Variants in SPECC1 observed in about 807,000 individuals in gnomAD.
SPECC1 encodes cytospin-B.
In SPECC1, 62 loss-of-function variants were observed where a neutral mutation model predicts 104.1. The ratio of observed to expected loss-of-function variants is 0.60; its 90% CI spans 0.49 to 0.74. SPECC1 has a LOEUF of 0.74. Ranked by LOEUF, SPECC1 falls within the 30% of genes least tolerant of loss-of-function variation. The pLI, the probability that SPECC1 is intolerant of heterozygous loss-of-function variation, is 0.00. For missense variants in SPECC1, 1,306 were observed against 1,310.5 expected, an observed-to-expected ratio of 1.00 and a Z score of 0.05; for synonymous variants, 513 against 501.6, an observed-to-expected ratio of 1.02 and a Z score of -0.30.
intron 1 of SPECC1, among the ~76,000 whole-genome samples, chr17:20,054,591 A>AGAT (rs764901668): frequency 1.4e-4 from 22 of 152,202 alleles, no homozygotes; most frequent in Non-Finnish European, 2.8e-4. Flanking sequence ...GAATCCCACT[A>AGAT]GATGAGGGTC....
intron 1 of SPECC1, among the ~76,000 whole-genome samples, chr17:20,082,957 TGTTCGTTC>T (rs5819696): frequency 0.11 from 16,706 of 147,654 alleles, 1,029 homozygotes; most frequent in African/African-American, 0.14. Flanking sequence ...TGTCCTTTGG[TGTTCGTTC>T]GTTCGTTCGT....
At chr17:20,302,504 A>G (rs5025290) in intron 13 of SPECC1, among the ~76,000 whole-genome samples, 18,140 of 151,982 alleles carry the variant, frequency 0.12, 1,113 homozygotes, top group Non-Finnish European at 0.13. Flanking sequence ...TGGGATAATA[A>G]CACTTGGTCA....
At chr17:20,130,663 A>G (rs1423832187) in intron 3 of SPECC1, among the ~76,000 whole-genome samples, 1 of 152,200 alleles carries the variant, frequency 6.6e-6, no homozygotes, top group Admixed American at 6.5e-5. Flanking sequence ...TAATGTCTTG[A>G]AATCAAGTAG....
At chr17:20,112,668 C>T in intron 3 of SPECC1, 1 of 991,186 alleles carries the variant, frequency 1.0e-6, no homozygotes, top group Non-Finnish European at 1.6e-6. Context: ...ACACTCTGTT[C>T]TAATGTAGAA....
At chr17:20,311,238 G>C (rs1186157945) in intron 14 of SPECC1, among the ~76,000 whole-genome samples, 1 of 151,724 alleles carries the variant, frequency 6.6e-6, no homozygotes, top group African/African-American at 2.4e-5. Flanking sequence ...AGCTAAACCT[G>C]CATGTAAATG....
rs2042016742 is a variant in SPECC1 at position 20,314,708 on chromosome 17, AAC to A, written c.*645_*646del. On this transcript the variant is annotated 3_prime_UTR_variant, in exon 15 of 15. Coordinates refer to ENST00000395527, the MANE Select transcript of SPECC1 (RefSeq NM_001243439.2). ...CTTCCCCCCTCCCCCCCCAAAAAAA[AAC>A]AACAAAACACAAAAAATAAACATTT... 5.6e-6 allele frequency: 1 copy of A among 179,384 alleles called. No individual in the cohort carries two copies. The highest frequency in any genetic ancestry group is 6.5e-5 in the Admixed American group (1 of 15,456). 11.1% of individuals were successfully genotyped at this position (179,384 alleles called of 1,614,324 possible).
chr17:20,151,586 C>T (rs1597824679), intron 3 of SPECC1, among the ~76,000 whole-genome samples: 1 of 152,166 alleles, frequency 6.6e-6, no homozygotes, highest in Non-Finnish European at 1.5e-5. Flanking sequence ...TTAAGGTTTA[C>T]ATCAGATACA....
intron 3 of SPECC1, among the ~76,000 whole-genome samples, chr17:20,139,230 A>T (rs758518024): frequency 1.3e-5 from 2 of 152,218 alleles, no homozygotes; most frequent in Non-Finnish European, 2.9e-5. Flanking sequence ...TTTGGGTTAC[A>T]AGATAGACAG....
intron 3 of SPECC1, among the ~76,000 whole-genome samples, chr17:20,117,703 CAAAAAAAA>C (rs1157847856): frequency 1.7e-5 from 1 of 59,608 alleles, no homozygotes; most frequent in Non-Finnish European, 3.3e-5. Context: ...ATGATTGTCT[CAAAAAAAA>C]AAAAAAAAAA....
intron 1 of SPECC1, among the ~76,000 whole-genome samples, chr17:20,078,673 A>C (rs772449893): frequency 2.2e-4 from 33 of 152,224 alleles, no homozygotes; most frequent in Non-Finnish European, 4.1e-4. Context: ...TCTTAGAAAA[A>C]CACTGTACAT....
chr17:20,238,642 A>G lies in SPECC1; in HGVS notation c.2351+6237A>G, dbSNP rs1028723312. ...CATTGAGGTCTTCTCTGTAAAATTTACTTAGATACTTGTGAATAGGACTGA... is the reference window on the plus strand; with the variant it reads ...CATTGAGGTCTTCTCTGTAAAATTTGCTTAGATACTTGTGAATAGGACTGA... On this transcript the variant is annotated intron_variant, in intron 7 of 14. Coordinates refer to ENST00000395527, the MANE Select transcript of SPECC1 (RefSeq NM_001243439.2). 6.7e-6 allele frequency: 7 copies of G among 1,037,454 alleles called. No homozygotes were observed. In the African/African-American group the frequency reaches 1.2e-4, roughly 17 times the overall value. 64.3% of individuals were successfully genotyped at this position (1,037,454 alleles called of 1,614,324 possible). A position where few individuals can be genotyped will look rare whatever the true frequency, so the allele number is the denominator to read the frequency against.
intron 12 of SPECC1, among the ~76,000 whole-genome samples, chr17:20,287,259 T>C (rs2040983648): frequency 6.6e-6 from 1 of 150,562 alleles, no homozygotes; most frequent in African/African-American, 2.5e-5. Flanking sequence ...CTACGAAAAA[T>C]ACAAAAAATT....
At chr17:20,250,093 A>T (rs899931856) in intron 9 of SPECC1, among the ~76,000 whole-genome samples, 2 of 152,214 alleles carry the variant, frequency 1.3e-5, no homozygotes, top group Non-Finnish European at 2.9e-5. Context: ...AGCAAAACTG[A>T]CATCTTTCTT....
chr17:20,318,368 T>C lies in SPECC1; in HGVS notation c.*4303T>C. On this transcript the variant is annotated 3_prime_UTR_variant, in exon 15 of 15. Transcript: ENST00000395527. ...TCTCATTTCAAAAATATTAGTCTTT[T>C]ATTTTCCTTTTTCATTCAGTTTTTG... The C allele has an allele frequency of 4.3e-6, 1 of 231,780 alleles. No homozygotes were observed. The highest frequency in any genetic ancestry group is 8.5e-6 in the Non-Finnish European group (1 of 117,088). 14.4% of individuals were successfully genotyped at this position (231,780 alleles called of 1,614,324 possible).
At chr17:20,065,501 G>C (rs974333923) in intron 1 of SPECC1, among the ~76,000 whole-genome samples, 2 of 152,242 alleles carry the variant, frequency 1.3e-5, no homozygotes, top group African/African-American at 4.8e-5. Context: ...CAGATGAAGA[G>C]AAGTGTAGGA....
At chr17:20,130,918 G>A (rs544672604) in intron 3 of SPECC1, among the ~76,000 whole-genome samples, 6 of 152,056 alleles carry the variant, frequency 3.9e-5, no homozygotes, top group African/African-American at 9.6e-5. Flanking sequence ...TGTAGTTTGC[G>A]GCATACAAAT....
chr17:20,116,677 C>T (rs192420076), intron 3 of SPECC1, among the ~76,000 whole-genome samples: 2 of 152,004 alleles, frequency 1.3e-5, no homozygotes, highest in African/African-American at 4.8e-5. Flanking sequence ...CATCTTGATT[C>T]AGTGGGAATT....
At chr17:20,272,948 A>G (rs765387802) in intron 12 of SPECC1, among the ~76,000 whole-genome samples, 8 of 152,162 alleles carry the variant, frequency 5.3e-5, no homozygotes, top group East Asian at 3.9e-4. Context: ...TTAGGTCTCT[A>G]TCTTTATGCT....
chr17:20,203,521 T>G (rs1453950869), intron 3 of SPECC1, among the ~76,000 whole-genome samples: 1 of 152,232 alleles, frequency 6.6e-6, no homozygotes, highest in African/African-American at 2.4e-5. Flanking sequence ...CTTATTTCAT[T>G]TATTCTTGTT....
Sources: gnomAD v4.1 joint callset for allele counts (sites outside exome capture counted in the v4.1 genomes callset) on GRCh38, gnomAD v4.1.1 for gene constraint, MANE v1.5 for transcripts, NCBI Gene and HGNC (gene_info 2026-07-23, HGNC 2026-07-21) for gene names.